CIT: variants seen among roughly 807,000 people sequenced by gnomAD.
CIT encodes the protein citron rho-interacting serine/threonine kinase, also known as citron Rho-interacting kinase.
CIT carries 79 observed loss-of-function variants against 272.7 expected under a neutral mutation model. That is an observed-to-expected ratio of 0.29 (90% CI 0.24 to 0.35). The LOEUF is 0.35. Ranked by LOEUF, CIT falls within the 10% of genes least tolerant of loss-of-function variation. The pLI, the probability that CIT is intolerant of heterozygous loss-of-function variation, is 1.00. For missense variants in CIT, 1,909 were observed against 2,618.3 expected, an observed-to-expected ratio of 0.73 and a Z score of 5.91; for synonymous variants, 948 against 995.6, an observed-to-expected ratio of 0.95 and a Z score of 0.90.
intron 27 of CIT, among the ~76,000 whole-genome samples, chr12:119,729,062 T>C (rs1465759426): frequency 2.0e-5 from 3 of 152,326 alleles, no homozygotes; most frequent in Admixed American, 1.3e-4. Context: ...TAAGAAAGGC[T>C]TGGGAAAGAA....
intron 10 of CIT, among the ~76,000 whole-genome samples, chr12:119,791,411 A>C (rs2137776212): frequency 6.6e-6 from 1 of 152,272 alleles, no homozygotes; most frequent in East Asian, 1.9e-4. Flanking sequence ...CCCCAGGGAA[A>C]GCTCACCCCA....
At chr12:119,841,828 A>C (rs1202094077) in intron 5 of CIT, among the ~76,000 whole-genome samples, 1 of 152,214 alleles carries the variant, frequency 6.6e-6, no homozygotes. Context: ...ACAACATGGA[A>C]GGAACCTGGG....
At chr12:119,775,707 T>C in intron 16 of CIT, 79 bp downstream of exon 16, 1 of 1,110,938 alleles carries the variant, frequency 9.0e-7, no homozygotes, top group South Asian at 1.3e-5. Context: ...CTTTCATCTT[T>C]CGTGCTCTGG....
At chr12:119,818,835 G>A (rs951504860) in intron 9 of CIT, among the ~76,000 whole-genome samples, 12 of 152,286 alleles carry the variant, frequency 7.9e-5, no homozygotes, top group African/African-American at 1.2e-4. Context: ...TGCATAAAAC[G>A]TACAAGTGTG....
At position 119,784,938 on chromosome 12, in the gene CIT, G is replaced by A. The variant is rs565627312; in HGVS notation, c.1401+22C>T. ...GGGAGGATCCTGGAGCAAGGAAGGA[G>A]GCCGGCTGCGGAAATAAATACCTTG... On this transcript the variant is annotated intron_variant, in intron 11 of 47. Transcript: ENST00000392521. The surrounding 1 kb of genome is among the most constrained non-coding windows in gnomAD (Gnocchi z 4.7). The A allele has an allele frequency of 4.2e-5, 68 of 1,613,690 alleles. No homozygotes were observed. In the East Asian group the frequency reaches 1.2e-3, roughly 29 times the overall value.
intron 40 of CIT, among the ~76,000 whole-genome samples, chr12:119,706,765 T>C (rs7976894): frequency 0.11 from 16,465 of 152,242 alleles, 2,473 homozygotes; most frequent in African/African-American, 0.34. Context: ...CATGTGACTT[T>C]ATAATAGAAT....
chr12:119,758,264 A>T (rs1961292495), intron 21 of CIT, among the ~76,000 whole-genome samples: 1 of 152,220 alleles, frequency 6.6e-6, no homozygotes, highest in African/African-American at 2.4e-5. Flanking sequence ...GGGCACACAC[A>T]ATTTCACCTC....
chr12:119,854,271 G>A (rs184362610), intron 4 of CIT, among the ~76,000 whole-genome samples: 185 of 151,254 alleles, frequency 1.2e-3, no homozygotes, highest in African/African-American at 4.3e-3. Flanking sequence ...CAAGTGATCC[G>A]CCCTGCTTGG....
chr12:119,687,668 T>G lies in CIT; in HGVS notation c.*564A>C, dbSNP rs1430385133. On this transcript the variant is annotated 3_prime_UTR_variant, in exon 48 of 48. Transcript: ENST00000392521. Reference sequence around the variant, plus strand: ...ATGAACCTACTTGGCTGCGGGAGGTTGGCCAACTGACCGGGACTGTTCTAC... The same window carrying G: ...ATGAACCTACTTGGCTGCGGGAGGTGGGCCAACTGACCGGGACTGTTCTAC... The G allele has an allele frequency of 3.3e-5, 5 of 152,150 alleles. No homozygotes were observed. Among genetic ancestry groups the G allele is most frequent in the Non-Finnish European group, 7.3e-5 (5 of 68,132 alleles). 9.4% of individuals were successfully genotyped at this position (152,150 alleles called of 1,614,324 possible).
intron 46 of CIT, among the ~76,000 whole-genome samples, chr12:119,691,512 G>A (rs529065081): frequency 1.3e-5 from 2 of 152,224 alleles, no homozygotes; most frequent in African/African-American, 2.4e-5. Context: ...ACAATAAGAC[G>A]ACCGAGAGGT....
chr12:119,750,128 T>C (rs1434377002), intron 23 of CIT, among the ~76,000 whole-genome samples: 1 of 152,262 alleles, frequency 6.6e-6, no homozygotes, highest in Non-Finnish European at 1.5e-5. Flanking sequence ...TGTCTCTTTT[T>C]CTTTCAGAGG....
intron 5 of CIT, among the ~76,000 whole-genome samples, chr12:119,847,720 G>A (rs1392431614): frequency 2.0e-5 from 3 of 152,050 alleles, no homozygotes; most frequent in Non-Finnish European, 4.4e-5. Context: ...GCGAAACCCC[G>A]TCTCTACTAA....
chr12:119,825,615 A>G (rs1968100043), intron 7 of CIT, among the ~76,000 whole-genome samples: 2 of 152,200 alleles, frequency 1.3e-5, no homozygotes, highest in South Asian at 4.1e-4. Flanking sequence ...TGATATACAC[A>G]CAGCCTTCAG....
At chr12:119,758,439 A>AG in intron 21 of CIT, 152 bp downstream of exon 21, 1 of 620,600 alleles carries the variant, frequency 1.6e-6, no homozygotes, top group Non-Finnish European at 2.9e-6. Flanking sequence ...CACTTAAGAC[A>AG]GGGCAAGATG....
chr12:119,730,352 A>T, intron 27 of CIT, 143 bp downstream of exon 27: 7 of 1,007,366 alleles, frequency 6.9e-6, no homozygotes, highest in Non-Finnish European at 9.6e-6. Flanking sequence ...GGTAAGGCAA[A>T]ACCATGGGAC....
rs201501082 is a variant in CIT at position 119,784,067 on chromosome 12, C to A, written c.1402-16G>T. 6.2e-7 allele frequency: 1 copy of A among 1,612,444 alleles called. No homozygotes were observed. The highest frequency in any genetic ancestry group is 1.3e-5 in the African/African-American group (1 of 74,888). On this transcript the variant is annotated splice_polypyrimidine_tract_variant and intron_variant, in intron 11 of 47. Transcript: ENST00000392521. This position sits in a 1 kb window ranked among gnomAD's most constrained non-coding sequence, Gnocchi z 4.7. ...CCTGCTCCATCTGAAATAAACACAT[C>A]GACAGGTTAAAAAGGCCCGTGGAGG...
rs1565958864 is a variant in CIT at position 119,734,159 on chromosome 12, C to T, written c.3350+5G>A. ...CATGAGCTTTCCACAAACACAAAGCCCCACCTGCTCTGTTTCTCGGTGTCC... is the reference window on the plus strand; with the variant it reads ...CATGAGCTTTCCACAAACACAAAGCTCCACCTGCTCTGTTTCTCGGTGTCC... On this transcript the variant is annotated splice_donor_5th_base_variant and intron_variant, in intron 26 of 47. Coordinates refer to ENST00000392521, the MANE Select transcript of CIT (RefSeq NM_001206999.2). 2 of 1,613,044 alleles carry T rather than the reference C, an allele frequency of 1.2e-6. No individual in the cohort carries two copies. Among genetic ancestry groups the T allele is most frequent in the Middle Eastern group, 1.7e-4 (1 of 6,060 alleles).
chr12:119,847,921 T>A, intron 5 of CIT, among the ~76,000 whole-genome samples: 1 of 152,012 alleles, frequency 6.6e-6, no homozygotes, highest in South Asian at 2.1e-4. Flanking sequence ...TAAAAAAAAT[T>A]AAAAGTCTGT....
At chr12:119,731,164 T>G (rs573608337) in intron 26 of CIT, among the ~76,000 whole-genome samples, 1 of 151,468 alleles carries the variant, frequency 6.6e-6, no homozygotes, top group South Asian at 2.1e-4. Context: ...TAAATGTTTT[T>G]GGGTACTCAT....
Sources: gnomAD v4.1 joint callset for allele counts (sites outside exome capture counted in the v4.1 genomes callset) on GRCh38, gnomAD v4.1.1 for gene constraint, Gnocchi (gnomAD v3.1) non-coding constraint, MANE v1.5 for transcripts, NCBI Gene and HGNC (gene_info 2026-07-23, HGNC 2026-07-21) for gene names.